Variants in HERC5 observed in about 807,000 individuals in gnomAD.
HERC5 encodes the protein HECT and RLD domain containing E3 ubiquitin protein ligase 5, also known as E3 ISG15--protein ligase HERC5.
In HERC5, 99 loss-of-function variants were observed where a neutral mutation model predicts 119.6. That is an observed-to-expected ratio of 0.83 (90% CI 0.70 to 0.98). HERC5 has a LOEUF of 0.98. HERC5 is among the 50% of genes least tolerant of loss of function. HERC5 has a pLI of 0.00. For synonymous variants in HERC5, 478 were observed against 445.9 expected (o/e 1.07, Z -0.91); for missense variants, 1,267 against 1,241.3 (o/e 1.02, Z -0.31).
Position 88,457,507 on chromosome 4 carries a change from G to T in HERC5, c.238G>T (p.Ala80Ser), listed in dbSNP as rs749511746. The T allele has an allele frequency of 7.0e-6, 9 of 1,287,330 alleles. 1 individual carries two copies. The highest frequency in any genetic ancestry group is 7.5e-5 in the Admixed American group (2 of 26,602). 79.7% of individuals were successfully genotyped at this position (1,287,330 alleles called of 1,614,324 possible). ...GGGCGTCCAGGTTCACCAGCTGCTC[G>T]CCGGGAGCGGCGGCGCCCGGACGCC... The part of the protein sequence containing the change: ...GAGVQVHQLL[A>S]GSGGARTPKC... Residue 80 changes from alanine (A) to serine (S), a missense_variant, in exon 1 of 23, where the codon GCC (alanine) becomes TCC (serine). By Grantham distance (99) the Ala-to-Ser change is moderately conservative. Coordinates refer to ENST00000264350, the MANE Select transcript of HERC5 (RefSeq NM_016323.4).
chr4:88,476,114 T>C (rs570468502), intron 12 of HERC5, 84 bp downstream of exon 12: 1 of 1,074,206 alleles, frequency 9.3e-7, no homozygotes, highest in South Asian at 1.5e-5. Flanking sequence ...ACTAAGATAC[T>C]TAGAAATGTA....
In HERC5 at chr4:88,489,313, GA is replaced by G; in HGVS notation, c.2112del (p.Asp705ThrfsTer2). The G allele has an allele frequency of 6.2e-7, 1 of 1,613,126 alleles. No homozygotes were observed. Among genetic ancestry groups the G allele is most frequent in the South Asian group, 1.1e-5 (1 of 90,678 alleles). On this transcript the variant is annotated frameshift_variant, in exon 16 of 23. Transcript: ENST00000264350. LOFTEE classifies it high-confidence loss of function. ...VLNQLSQFEN[E>X]DLRKELWVSF... ...GAATCAGCTAAGTCAATTTGAGAAT[GA>G]AGACCTGAGGAAAGAGTTATGGGTA...
At chr4:88,475,548 A>G (rs534759162) in intron 11 of HERC5, among the ~76,000 whole-genome samples, 4 of 151,822 alleles carry the variant, frequency 2.6e-5, no homozygotes, top group African/African-American at 9.7e-5. Flanking sequence ...CGATCTCCTG[A>G]CCTTGTGATC....
At chr4:88,483,629 A>C (rs1741361461) in intron 13 of HERC5, among the ~76,000 whole-genome samples, 1 of 150,024 alleles carries the variant, frequency 6.7e-6, no homozygotes, top group Non-Finnish European at 1.5e-5. Flanking sequence ...CCTGGGTTCA[A>C]GCTATCGTCG....
At position 88,460,093 on chromosome 4, in the gene HERC5, A is replaced by G. The variant is rs764397675; in HGVS notation, c.390-2A>G. 14 of 1,506,502 alleles carry G rather than the reference A, an allele frequency of 9.3e-6. No individual in the cohort carries two copies. Among genetic ancestry groups the G allele is most frequent in the Non-Finnish European group, 1.2e-5 (13 of 1,085,388 alleles). 93.3% of individuals were successfully genotyped at this position (1,506,502 alleles called of 1,614,324 possible). A position where few individuals can be genotyped will look rare whatever the true frequency, so the allele number is the denominator to read the frequency against. Reference sequence around the variant, plus strand: ...AACACAAAGTGTATTTTCCTTCATCAGGTTTGAAAGCATTTTACAAGAAAA... The same window carrying G: ...AACACAAAGTGTATTTTCCTTCATCGGGTTTGAAAGCATTTTACAAGAAAA... On this transcript the variant is annotated splice_acceptor_variant, in intron 2 of 22. Transcript: ENST00000264350. LOFTEE classifies it high-confidence loss of function.
In HERC5 at chr4:88,489,229, G is replaced by A. The variant is rs376568622; in HGVS notation, c.2026G>A (p.Ala676Thr). ...AIEEERESEF[A>T]LRPTFDLTVR... ...TGAGGAAGAAAGAGAGTCTGAATTC[G>A]CTTTGAGGCCCACGTTTGATCTAAC... is the stretch of plus-strand genomic sequence containing the variant. The change falls in exon 16 of 23, where the codon GCT becomes ACT. Residue 676 changes from alanine (A) to threonine (T), a missense_variant. This residue lies in a region of HERC5 where 473 missense variants were observed against 445.7 expected (regional missense o/e 1.06). Transcript: ENST00000264350. 5.6e-6 allele frequency: 9 copies of A among 1,613,702 alleles called. No individual in the cohort carries two copies. Among genetic ancestry groups the A allele is most frequent in the African/African-American group, 1.3e-5 (1 of 74,892 alleles).
chr4:88,486,988 C>G, intron 14 of HERC5, 81 bp from the exon 15 acceptor site: 1 of 872,394 alleles, frequency 1.1e-6, no homozygotes, highest in East Asian at 2.6e-5. Context: ...CTTAAACCAT[C>G]AGGGATGTAA....
chr4:88,479,290 A>G (rs1741192371), intron 12 of HERC5, 63 bp from the exon 13 acceptor site: 2 of 1,385,998 alleles, frequency 1.4e-6, no homozygotes, highest in Non-Finnish European at 1.9e-6. Flanking sequence ...GTCTCAAAAA[A>G]AAAAAAAAAA....
At chr4:88,472,152 T>C (rs964469001) in intron 10 of HERC5, among the ~76,000 whole-genome samples, 2 of 152,048 alleles carry the variant, frequency 1.3e-5, no homozygotes, top group African/African-American at 2.4e-5. Context: ...CTGGGAAATA[T>C]TAATTTTTTT....
chr4:88,482,564 G>T (rs554471350), intron 13 of HERC5, among the ~76,000 whole-genome samples: 1 of 152,328 alleles, frequency 6.6e-6, no homozygotes, highest in East Asian at 1.9e-4. Flanking sequence ...GGAGAGGCCT[G>T]TGCCAGAAGC....
intron 9 of HERC5, 94 bp from the exon 10 acceptor site, chr4:88,470,520 T>G (rs1360880086): frequency 1.5e-6 from 1 of 680,604 alleles, no homozygotes; most frequent in Non-Finnish European, 2.6e-6. Context: ...AGTTATAAGA[T>G]GTGGTATTTA....
chr4:88,468,322 C>G, intron 7 of HERC5, 24 bp from the exon 8 acceptor site: 1 of 1,557,930 alleles, frequency 6.4e-7, no homozygotes, highest in Non-Finnish European at 8.8e-7. Context: ...TTCTAAAACT[C>G]TTACTCTTTG....
chr4:88,457,510 G>A lies in HERC5; in HGVS notation c.241G>A (p.Gly81Arg). Residue 81 changes from glycine (G) to arginine (R), a missense_variant, in exon 1 of 23, where the codon GGG becomes AGG. Transcript: ENST00000264350. ...AGVQVHQLLA[G>R]SGGARTPKCI... ...CGTCCAGGTTCACCAGCTGCTCGCC[G>A]GGAGCGGCGGCGCCCGGACGCCGAG... The A allele has an allele frequency of 7.8e-7, 1 of 1,283,638 alleles. No homozygotes were observed. The highest frequency in any genetic ancestry group is 9.8e-7 in the Non-Finnish European group (1 of 1,015,538). 79.5% of individuals were successfully genotyped at this position (1,283,638 alleles called of 1,614,324 possible).
intron 9 of HERC5, among the ~76,000 whole-genome samples, 173 bp downstream of exon 9, chr4:88,469,433 A>G (rs867982002): frequency 6.6e-6 from 1 of 152,280 alleles, no homozygotes; most frequent in African/African-American, 2.4e-5. Context: ...CTGTCTGTCC[A>G]TCTATGTATC....
Position 88,479,333 on chromosome 4 carries a change from G to A in HERC5, c.1583-20G>A. 1 of 1,449,294 alleles carries A rather than the reference G, an allele frequency of 6.9e-7. No individual in the cohort carries two copies. The highest frequency in any genetic ancestry group is 9.3e-7 in the Non-Finnish European group (1 of 1,074,032). 89.8% of individuals were successfully genotyped at this position (1,449,294 alleles called of 1,614,324 possible). A position where few individuals can be genotyped will look rare whatever the true frequency, so the allele number is the denominator to read the frequency against. On this transcript the variant is annotated intron_variant, in intron 12 of 22. Coordinates refer to ENST00000264350, the MANE Select transcript of HERC5 (RefSeq NM_016323.4). ...ATAAAACTCATTTTTTAAAAAATTT[G>A]CTTTCCTTGTGTTCCTCAGAAGAGT... is the stretch of plus-strand genomic sequence containing the variant.
rs754363045 is a variant in HERC5 at position 88,489,208 on chromosome 4, G to A, written c.2005G>A (p.Glu669Lys). The A allele has an allele frequency of 1.9e-6, 3 of 1,613,768 alleles. No homozygotes were observed. Among genetic ancestry groups the A allele is most frequent in the South Asian group, 2.2e-5 (2 of 90,936 alleles). The change falls in exon 16 of 23, where the codon GAA (glutamate) becomes AAA (lysine). Residue 669 changes from glutamate (E) to lysine (K), a missense_variant. Around this residue, in one of 3 missense-constraint regions of HERC5, gnomAD observed 473 missense variants for 445.7 expected, o/e 1.06. Coordinates refer to ENST00000264350, the MANE Select transcript of HERC5 (RefSeq NM_016323.4). ...KAYLRSAAIEEERESEFALRP... is the reference protein window; with the variant it reads ...KAYLRSAAIEKERESEFALRP... The stretch of plus-strand genomic sequence containing the variant: ...TTATCTTAGGTCGGCAGCAATTGAG[G>A]AAGAAAGAGAGTCTGAATTCGCTTT...
At chr4:88,470,045 G>T (rs1740814892) in intron 9 of HERC5, among the ~76,000 whole-genome samples, 1 of 152,186 alleles carries the variant, frequency 6.6e-6, no homozygotes, top group African/African-American at 2.4e-5. Context: ...ACTCCTATAG[G>T]TTTACAGAAC....
chr4:88,469,081 A>C, intron 8 of HERC5, 76 bp from the exon 9 acceptor site: 1 of 851,502 alleles, frequency 1.2e-6, no homozygotes, highest in Non-Finnish European at 2.0e-6. Flanking sequence ...TTTACTCTCT[A>C]GAGTGTACCT....
intron 14 of HERC5, 29 bp from the exon 15 acceptor site, chr4:88,487,040 A>C: frequency 6.8e-7 from 1 of 1,477,144 alleles, no homozygotes; most frequent in Non-Finnish European, 9.4e-7. Context: ...CCTTTAACTT[A>C]TCAGAATTAT....
Sources: gnomAD v4.1 joint callset for allele counts (sites outside exome capture counted in the v4.1 genomes callset) on GRCh38, gnomAD v4.1.1 for gene constraint, gnomAD v4.1.1 regional missense constraint, MANE v1.5 for transcripts, NCBI Gene and HGNC (gene_info 2026-07-23, HGNC 2026-07-21) for gene names.